Variants in TRIO observed in about 807,000 individuals in gnomAD.
TRIO encodes trio Rho guanine nucleotide exchange factor, also known as triple functional domain protein.
In TRIO, 58 loss-of-function variants were observed where a neutral mutation model predicts 351.9. The ratio of observed to expected loss-of-function variants is 0.16; its 90% CI spans 0.13 to 0.21. The LOEUF is 0.21. TRIO is among the 10% of genes least tolerant of loss of function. TRIO has a pLI of 1.00. For missense variants in TRIO, 3,201 were observed against 4,027.8 expected (o/e 0.79, Z 5.56); for synonymous variants, 1,758 against 1,595.7 (o/e 1.10, Z -2.42).
At chr5:14,486,239 T>G (rs1755905651) in intron 47 of TRIO, among the ~76,000 whole-genome samples, 1 of 152,256 alleles carries the variant, frequency 6.6e-6, no homozygotes, top group African/African-American at 2.4e-5. Flanking sequence ...CATGTTCGTA[T>G]TCACGGTCTG....
chr5:14,349,142 C>T (rs115759727), intron 11 of TRIO, among the ~76,000 whole-genome samples: 8,624 of 132,766 alleles, frequency 0.065, 292 homozygotes, highest in African/African-American at 0.1. Flanking sequence ...GTTTTTCCTG[C>T]GTGTTTGTGG....
chr5:14,177,564 A>T (rs1332049303), intron 1 of TRIO, among the ~76,000 whole-genome samples: 1 of 152,218 alleles, frequency 6.6e-6, no homozygotes, highest in Non-Finnish European at 1.5e-5. Flanking sequence ...ATGATCAGAT[A>T]GGAAATTTAA....
chr5:14,217,414 T>A (rs1046427728), intron 1 of TRIO, among the ~76,000 whole-genome samples: 1 of 152,094 alleles, frequency 6.6e-6, no homozygotes, highest in Non-Finnish European at 1.5e-5. Context: ...GAGTGAGAGT[T>A]GTTGCATTGA....
intron 4 of TRIO, among the ~76,000 whole-genome samples, chr5:14,288,677 A>G (rs532093460): frequency 6.6e-6 from 1 of 152,030 alleles, no homozygotes; most frequent in South Asian, 2.1e-4. Flanking sequence ...AAAAAAAAAA[A>G]AAGTCCAGCA....
At chr5:14,258,527 G>A (rs1410966933) in intron 1 of TRIO, among the ~76,000 whole-genome samples, 1 of 152,164 alleles carries the variant, frequency 6.6e-6, no homozygotes, top group Non-Finnish European at 1.5e-5. Flanking sequence ...TTAGGAGACT[G>A]GAAAAAGGAA....
intron 34 of TRIO, among the ~76,000 whole-genome samples, chr5:14,432,651 C>A (rs1400048367): frequency 2.0e-5 from 3 of 152,150 alleles, no homozygotes; most frequent in African/African-American, 7.2e-5. Context: ...CTTCCTACTC[C>A]CCTAGTTGAT....
chr5:14,201,116 C>T (rs1047250004), intron 1 of TRIO, among the ~76,000 whole-genome samples: 4 of 152,070 alleles, frequency 2.6e-5, no homozygotes, highest in South Asian at 2.1e-4. Flanking sequence ...AAATTTTAGC[C>T]GGGCGTTGTG....
intron 1 of TRIO, among the ~76,000 whole-genome samples, chr5:14,242,574 C>T (rs1389182195): frequency 6.6e-6 from 1 of 152,154 alleles, no homozygotes; most frequent in African/African-American, 2.4e-5. Context: ...TGGTAACATG[C>T]TCCCCACTGC....
chr5:14,464,694 C>T (rs1449241134), intron 36 of TRIO, among the ~76,000 whole-genome samples: 1 of 152,204 alleles, frequency 6.6e-6, no homozygotes, highest in Non-Finnish European at 1.5e-5. Context: ...GAGCCTGTAT[C>T]TGTCTGCTGT....
chr5:14,420,230 G>T (rs1175528064), intron 34 of TRIO: 2 of 690,840 alleles, frequency 2.9e-6, no homozygotes, highest in Non-Finnish European at 4.7e-6. Flanking sequence ...AATAATGAGT[G>T]ATCTCCTCAC....
At position 14,368,738 on chromosome 5, in the gene TRIO, C is replaced by G; in HGVS notation, c.2905C>G (p.Gln969Glu). The G allele has an allele frequency of 6.2e-7, 1 of 1,614,030 alleles. No homozygotes were observed. The highest frequency in any genetic ancestry group is 8.5e-7 in the Non-Finnish European group (1 of 1,179,978). Reference protein sequence around the residue: ...KTHQSALQVQQKAEAMLQANH... With the variant: ...KTHQSALQVQEKAEAMLQANH... ...ACATCAGAGCGCGCTGCAGGTGCAGCAGAAGGCAGAAGCCATGCTACAGGC... is the reference window on the plus strand; with the variant it reads ...ACATCAGAGCGCGCTGCAGGTGCAGGAGAAGGCAGAAGCCATGCTACAGGC... The change falls in exon 17 of 57, where the codon CAG becomes GAG. Residue 969 changes from glutamine to glutamate, a missense_variant. Physicochemically the swap from Gln to Glu is conservative, Grantham distance 29. This residue lies in a region of TRIO where 363 missense variants were observed against 553.5 expected (regional missense o/e 0.66). Coordinates refer to ENST00000344204, the MANE Select transcript of TRIO (RefSeq NM_007118.4).
intron 10 of TRIO, among the ~76,000 whole-genome samples, chr5:14,334,204 G>A (rs1218316823): frequency 6.6e-6 from 1 of 152,176 alleles, no homozygotes; most frequent in Non-Finnish European, 1.5e-5. Context: ...TAGCATTTCT[G>A]ATGAGTATGG....
chr5:14,451,854 A>C (rs144342343), intron 34 of TRIO, among the ~76,000 whole-genome samples: 9 of 152,370 alleles, frequency 5.9e-5, no homozygotes, highest in African/African-American at 2.2e-4. Context: ...TTATCAAGAC[A>C]TCATTTCATT....
chr5:14,487,412 G>T (rs955841789), intron 47 of TRIO, 52 bp from the exon 48 acceptor site: 1 of 1,095,142 alleles, frequency 9.1e-7, no homozygotes, highest in South Asian at 3.4e-5. Flanking sequence ...CTCACCCCGC[G>T]GCGTGCTCCT....
intron 1 of TRIO, among the ~76,000 whole-genome samples, chr5:14,165,267 A>T (rs1006374665): frequency 1.9e-4 from 29 of 152,272 alleles, no homozygotes; most frequent in Middle Eastern, 3.4e-3. Flanking sequence ...TTAAACCGAC[A>T]CCCTCACCCT....
At chr5:14,288,686 C>G (rs79189236) in intron 4 of TRIO, among the ~76,000 whole-genome samples, 36 of 150,962 alleles carry the variant, frequency 2.4e-4, no homozygotes, top group Non-Finnish European at 4.1e-4. Flanking sequence ...AAAAGTCCAG[C>G]AAACGAGAGA....
chr5:14,392,203 C>T (rs173947), intron 27 of TRIO, among the ~76,000 whole-genome samples: 63,222 of 151,078 alleles, frequency 0.42, 15,084 homozygotes, highest in African/African-American at 0.65. Flanking sequence ...AAAGGGCTAA[C>T]ATCCAGAATC....
intron 1 of TRIO, among the ~76,000 whole-genome samples, chr5:14,176,471 A>G (rs1039232959): frequency 1.3e-5 from 2 of 151,692 alleles, no homozygotes; most frequent in Non-Finnish European, 2.9e-5. Flanking sequence ...CTCTGTCTCA[A>G]AAAAAAAACA....
chr5:14,187,680 A>G (rs73055595), intron 1 of TRIO, among the ~76,000 whole-genome samples: 6,600 of 152,314 alleles, frequency 0.043, 489 homozygotes, highest in African/African-American at 0.15. Flanking sequence ...TAGATGCCAC[A>G]TAAAAGTCCA....
Sources: gnomAD v4.1 joint callset for allele counts (sites outside exome capture counted in the v4.1 genomes callset) on GRCh38, gnomAD v4.1.1 for gene constraint, gnomAD v4.1.1 regional missense constraint, MANE v1.5 for transcripts, NCBI Gene and HGNC (gene_info 2026-07-23, HGNC 2026-07-21) for gene names.